ASTN2: variants seen among roughly 807,000 people sequenced by gnomAD.
ASTN2 encodes astrotactin-2.
ASTN2 carries 54 observed loss-of-function variants against 139.8 expected under a neutral mutation model. The ratio of observed to expected loss-of-function variants is 0.39; its 90% CI spans 0.31 to 0.48. ASTN2 has a LOEUF of 0.48. Ranked by LOEUF, ASTN2 falls within the 20% of genes least tolerant of loss-of-function variation. The pLI is 0.95. For missense variants in ASTN2, 1,565 were observed against 1,725.1 expected (o/e 0.91, Z 1.64); for synonymous variants, 756 against 719.5 (o/e 1.05, Z -0.81).
intron 2 of ASTN2, among the ~76,000 whole-genome samples, chr9:117,223,948 A>C (rs1832616066): frequency 6.6e-6 from 1 of 152,192 alleles, no homozygotes. Flanking sequence ...GATAATGCCA[A>C]AGGAGTAAAG....
intron 1 of ASTN2, among the ~76,000 whole-genome samples, chr9:117,295,237 G>A (rs1253304084): frequency 3.9e-5 from 6 of 152,040 alleles, no homozygotes; most frequent in Admixed American, 2.0e-4. Context: ...CCCAAGAATC[G>A]CTTGAACTCG....
chr9:116,748,096 T>C (rs1385783486), intron 13 of ASTN2, among the ~76,000 whole-genome samples: 1 of 152,190 alleles, frequency 6.6e-6, no homozygotes, highest in Non-Finnish European at 1.5e-5. Context: ...CCCTCACACC[T>C]TGACATAAAA....
chr9:117,228,000 A>G (rs899503167), intron 2 of ASTN2, among the ~76,000 whole-genome samples: 1 of 152,160 alleles, frequency 6.6e-6, no homozygotes, highest in African/African-American at 2.4e-5. Context: ...ATGTGGCTCA[A>G]AAAACACTGG....
At chr9:116,955,407 A>G (rs1249365936) in intron 10 of ASTN2, among the ~76,000 whole-genome samples, 1 of 152,248 alleles carries the variant, frequency 6.6e-6, no homozygotes, top group Non-Finnish European at 1.5e-5. Context: ...TTGAGAGCAG[A>G]AATAGTAAAT....
intron 11 of ASTN2, among the ~76,000 whole-genome samples, chr9:116,846,730 G>A (rs550651687): frequency 2.0e-5 from 3 of 152,266 alleles, no homozygotes; most frequent in Admixed American, 6.5e-5. Flanking sequence ...AGTGGTAGCT[G>A]GTCCGTAAGG....
At chr9:117,208,298 G>C (rs1192133337) in intron 3 of ASTN2, among the ~76,000 whole-genome samples, 1 of 151,678 alleles carries the variant, frequency 6.6e-6, no homozygotes, top group Non-Finnish European at 1.5e-5. Context: ...ATTCAACAAA[G>C]AGATAGATAC....
chr9:117,183,090 A>G (rs895737946), intron 3 of ASTN2, among the ~76,000 whole-genome samples: 1 of 152,228 alleles, frequency 6.6e-6, no homozygotes, highest in Admixed American at 6.5e-5. Flanking sequence ...GAGGTCAAGT[A>G]TCCCCTTTCT....
At chr9:116,768,921 C>T (rs1234379874) in intron 13 of ASTN2, among the ~76,000 whole-genome samples, 1 of 152,188 alleles carries the variant, frequency 6.6e-6, no homozygotes, top group Non-Finnish European at 1.5e-5. Context: ...CATCTATGCT[C>T]TGGTGACTAC....
intron 10 of ASTN2, 131 bp downstream of exon 10, chr9:116,975,077 C>A: frequency 1.1e-6 from 1 of 906,704 alleles, no homozygotes; most frequent in Non-Finnish European, 1.6e-6. Context: ...AGGAGCATGG[C>A]ATATTTGACA....
At chr9:117,154,283 T>C (rs1830386497) in intron 3 of ASTN2, among the ~76,000 whole-genome samples, 1 of 152,102 alleles carries the variant, frequency 6.6e-6, no homozygotes, top group African/African-American at 2.4e-5. Flanking sequence ...TAATGGCTTA[T>C]AATTTCCATT....
chr9:117,192,066 T>C lies in ASTN2; in HGVS notation c.1015+22292A>G, dbSNP rs536163388. Among the ~76,000 whole-genome samples, 8 of 150,966 alleles carry C rather than the reference T, an allele frequency of 5.3e-5. No homozygotes were observed. The South Asian group carries it at 1.3e-3, about 24-fold the overall frequency. ...AGTGACAGCTTTGGTGACATTCCTG[T>C]TTGTGATTCCATGACAAATCTCTGT... is the stretch of plus-strand genomic sequence containing the variant. On this transcript the variant is annotated intron_variant, in intron 3 of 22. Transcript: ENST00000313400.
rs1281694681 is a variant in ASTN2, at chr9:116,549,508, G to A, written c.3356-62008C>T. ...CCAGGGCTGGAGCCTGCGTGGGGAC[G>A]GTCTGACTCACAGCTGCTACTTCCT... is the stretch of plus-strand genomic sequence containing the variant. On this transcript the variant is annotated intron_variant, in intron 19 of 22. Transcript: ENST00000313400. Among the ~76,000 whole-genome samples the A allele has an allele frequency of 2.0e-5, 3 of 152,146 alleles. No homozygotes were observed. The East Asian group carries it at 5.8e-4, about 29-fold the overall frequency.
rs1178861666 is a variant in ASTN2, at chr9:117,214,667, G to T, written c.706C>A (p.Arg236Ser). Reference sequence around the variant, plus strand: ...GCGCTCTTCTGGGGGATGCGGCGACGCTTCTGCCAACGTCGCTGGGCGTAC... The same window carrying T: ...GCGCTCTTCTGGGGGATGCGGCGACTCTTCTGCCAACGTCGCTGGGCGTAC... ...ALYAQRRWQKRRRIPQKSAST... is the reference protein window; with the variant it reads ...ALYAQRRWQKSRRIPQKSAST... Residue 236 changes from arginine (R) to serine (S), a missense_variant, in exon 3 of 23, where the codon CGT becomes AGT. Coordinates refer to ENST00000313400, the MANE Select transcript of ASTN2 (RefSeq NM_001365068.1). The T allele has an allele frequency of 6.5e-7, 1 of 1,543,386 alleles. No individual in the cohort carries two copies. The highest frequency in any genetic ancestry group is 8.8e-7 in the Non-Finnish European group (1 of 1,137,338).
At chr9:116,892,024 C>T (rs913307200) in intron 10 of ASTN2, among the ~76,000 whole-genome samples, 8 of 152,186 alleles carry the variant, frequency 5.3e-5, no homozygotes, top group Non-Finnish European at 7.3e-5. Flanking sequence ...TGACAGACTA[C>T]TGCACATTTT....
intron 17 of ASTN2, among the ~76,000 whole-genome samples, chr9:116,628,833 G>A (rs1346403783): frequency 1.3e-5 from 2 of 152,142 alleles, no homozygotes; most frequent in African/African-American, 4.8e-5. Context: ...GGGGTAGAGG[G>A]TATATGGGAA....
intron 13 of ASTN2, among the ~76,000 whole-genome samples, chr9:116,799,415 C>T (rs547541969): frequency 6.6e-6 from 1 of 152,238 alleles, no homozygotes; most frequent in South Asian, 2.1e-4. Flanking sequence ...AAGTCCCTTT[C>T]TAATAAATCT....
intron 2 of ASTN2, among the ~76,000 whole-genome samples, chr9:117,266,437 AC>A (rs1258126463): frequency 6.6e-6 from 1 of 152,212 alleles, no homozygotes; most frequent in East Asian, 1.9e-4. Context: ...GTTAGGTGTT[AC>A]TGCTCCATGC....
At chr9:116,438,707 G>T (rs1847735888) in intron 22 of ASTN2, among the ~76,000 whole-genome samples, 3 of 152,194 alleles carry the variant, frequency 2.0e-5, no homozygotes. Flanking sequence ...CACTTTGGGA[G>T]GCTGAGATGG....
intron 13 of ASTN2, among the ~76,000 whole-genome samples, chr9:116,777,912 G>A (rs12236515): frequency 0.022 from 3,296 of 151,778 alleles, 92 homozygotes; most frequent in East Asian, 0.081. Context: ...GTGCAGTCTC[G>A]GCTCACTGCA....
Sources: allele counts gnomAD v4.1 joint callset (sites outside exome capture counted in the v4.1 genomes callset), GRCh38; gene constraint gnomAD v4.1.1; transcripts MANE v1.5; gene names NCBI Gene and HGNC (gene_info 2026-07-23, HGNC 2026-07-21).